The following PON2 variants were observed in gnomAD, a reference collection of about 807,000 sequenced individuals.
The protein encoded by PON2 is serum paraoxonase/arylesterase 2.
In PON2, 27 loss-of-function variants were observed where a neutral mutation model predicts 36.6. The ratio of observed to expected loss-of-function variants is 0.74; its 90% CI spans 0.54 to 1.02. The LOEUF (loss-of-function observed/expected upper bound fraction) is 1.02, where lower values mean the gene tolerates loss of function less well. Among genes scored for constraint, PON2 ranks in the 50% least tolerant of loss-of-function variants. The pLI is 0.00. For missense variants in PON2, 363 were observed against 421.1 expected (o/e 0.86, Z 1.21); for synonymous variants, 149 against 156.3 (o/e 0.95, Z 0.35).
At position 95,405,250 on chromosome 7, in the gene PON2, G is replaced by C; in HGVS notation, c.*80C>G. On this transcript the variant is annotated 3_prime_UTR_variant, in exon 9 of 9. Coordinates refer to ENST00000222572, the MANE Select transcript of PON2 (RefSeq NM_000305.3). ...TGCCATACATTTCTGGGTCAATGTT[G>C]CTGGTTAAATTCCCTCAGAATTAGC... 6.9e-7 allele frequency: 1 copy of C among 1,453,224 alleles called. No homozygotes were observed. Among genetic ancestry groups the C allele is most frequent in the South Asian group, 1.2e-5 (1 of 85,210 alleles). The allele number at this position is 1,453,224 out of a possible 1,614,324, so 90.0% of individuals were successfully genotyped here.
At chr7:95,416,115 T>C (rs1789056521) in intron 3 of PON2, 127 bp downstream of exon 3, 1 of 1,497,170 alleles carries the variant, frequency 6.7e-7, no homozygotes, top group African/African-American at 1.4e-5. Flanking sequence ...AAGATCTTGT[T>C]TGACCTCTCT....
At chr7:95,407,138 A>AT (rs1809721054) in intron 6 of PON2, 70 bp from the exon 7 acceptor site, 1 of 971,896 alleles carries the variant, frequency 1.0e-6, no homozygotes, top group Admixed American at 1.9e-5. Context: ...GTGTGAAAGA[A>AT]TAAGTCTTAA....
At chr7:95,411,086 C>CA (rs1193749723) in intron 5 of PON2, among the ~76,000 whole-genome samples, 1 of 152,074 alleles carries the variant, frequency 6.6e-6, no homozygotes, top group Non-Finnish European at 1.5e-5. Flanking sequence ...GGTGGGGGTA[C>CA]ACATGATTCT....
rs540118358 is a variant in PON2, at chr7:95,415,596, A to G, written c.201+646T>C. On this transcript the variant is annotated intron_variant, in intron 3 of 8. Coordinates refer to ENST00000222572, the MANE Select transcript of PON2 (RefSeq NM_000305.3). ...GAGTAGATGCTGTATTTAAAATAGT[A>G]TAATGTTAGTATTGAGTATCCACAG... Among the ~76,000 whole-genome samples the G allele has an allele frequency of 8.5e-5, 13 of 152,334 alleles. No individual in the cohort carries two copies. The South Asian group carries it at 2.7e-3, about 32-fold the overall frequency.
rs548181267 is a variant in PON2, at chr7:95,405,320, A to G, written c.*10T>C. The G allele has an allele frequency of 6.2e-7, 1 of 1,612,426 alleles. No homozygotes were observed. Among genetic ancestry groups the G allele is most frequent in the African/African-American group, 1.3e-5 (1 of 75,018 alleles). ...GTTAAGTTATCGCACTTTCATGCCA[A>G]AAGTACAATTTAGAGTTCACAATAC... On this transcript the variant is annotated 3_prime_UTR_variant, in exon 9 of 9. Coordinates refer to ENST00000222572, the MANE Select transcript of PON2 (RefSeq NM_000305.3).
chr7:95,405,403 G>A lies in PON2; in HGVS notation c.992C>T (p.Ser331Phe), dbSNP rs372180123. The A allele has an allele frequency of 2.5e-5, 40 of 1,613,734 alleles. No individual in the cohort carries two copies. The highest frequency in any genetic ancestry group is 3.2e-5 in the Non-Finnish European group (38 of 1,179,792). Residue 331 changes from serine (S) to phenylalanine (F), a missense_variant, in exon 9 of 9, where the codon TCT (serine) becomes TTT (phenylalanine). By Grantham distance (155) the Ser-to-Phe change is radical. Coordinates refer to ENST00000222572, the MANE Select transcript of PON2 (RefSeq NM_000305.3). ...ANNGSVLQGS[S>F]VASVYDGKLL... The stretch of plus-strand genomic sequence containing the variant: ...CTTCCCATCATACACTGAGGCTACA[G>A]AACTTCCTTGGAGAACAGACCCATT...
intron 1 of PON2, among the ~76,000 whole-genome samples, chr7:95,433,946 C>G (rs982585839): frequency 1.3e-5 from 2 of 152,242 alleles, no homozygotes; most frequent in African/African-American, 2.4e-5. Context: ...TTTTAATTCT[C>G]TCTTCCCCTG....
At chr7:95,418,491 A>C (rs148692137) in intron 2 of PON2, 39 of 152,290 alleles carry the variant, frequency 2.6e-4, no homozygotes, top group African/African-American at 9.4e-4. Flanking sequence ...AAGCCACTTC[A>C]CTTGTAAATT....
intron 6 of PON2, among the ~76,000 whole-genome samples, chr7:95,408,138 G>A (rs1468253969): frequency 2.0e-5 from 3 of 152,182 alleles, no homozygotes; most frequent in African/African-American, 7.2e-5. Context: ...GGTCAGTTCT[G>A]TTCCACAATT....
At chr7:95,433,248 T>A (rs544132715) in intron 1 of PON2, among the ~76,000 whole-genome samples, 32 of 152,110 alleles carry the variant, frequency 2.1e-4, no homozygotes, top group East Asian at 9.7e-4. Context: ...AAATTTTGTT[T>A]TTTATTTATT....
At chr7:95,430,274 G>A (rs1240151016) in intron 1 of PON2, among the ~76,000 whole-genome samples, 1 of 151,656 alleles carries the variant, frequency 6.6e-6, no homozygotes, top group Non-Finnish European at 1.5e-5. Flanking sequence ...AGATCAGCCT[G>A]GGCAACACAG....
At chr7:95,424,314 G>A in intron 2 of PON2, 1 of 588,074 alleles carries the variant, frequency 1.7e-6, no homozygotes, top group Non-Finnish European at 3.0e-6. Context: ...ACACAAAAAA[G>A]AATAATTTAC....
At chr7:95,422,338 G>C (rs17876193) in intron 2 of PON2, among the ~76,000 whole-genome samples, 10,661 of 152,248 alleles carry the variant, frequency 0.07, 505 homozygotes, top group East Asian at 0.2. Flanking sequence ...AGATAAAAAA[G>C]GGAGCTTTAT....
intron 7 of PON2, among the ~76,000 whole-genome samples, chr7:95,406,482 A>C (rs1346278871): frequency 2.0e-5 from 3 of 152,188 alleles, no homozygotes; most frequent in African/African-American, 7.2e-5. Flanking sequence ...AATCTATCTT[A>C]AAAACTGAAC....
intron 1 of PON2, among the ~76,000 whole-genome samples, chr7:95,427,953 G>T (rs950825557): frequency 3.3e-4 from 50 of 152,148 alleles, no homozygotes; most frequent in African/African-American, 1.2e-3. Flanking sequence ...TATGAGAGGA[G>T]GAACACTCTT....
chr7:95,405,159 T>A lies in PON2; in HGVS notation c.*171A>T. 1.5e-6 allele frequency: 1 copy of A among 666,182 alleles called. No homozygotes were observed. The highest frequency in any genetic ancestry group is 2.5e-6 in the Non-Finnish European group (1 of 403,928). The allele number at this position is 666,182 out of a possible 1,614,324, so 41.3% of individuals were successfully genotyped here. On this transcript the variant is annotated 3_prime_UTR_variant, in exon 9 of 9. Coordinates refer to ENST00000222572, the MANE Select transcript of PON2 (RefSeq NM_000305.3). ...ATTTTAAAGAACCTGTTCATTTTCC[T>A]TTTTTGTTAAAAGTGCTCTAAGAAC...
intron 4 of PON2, 41 bp from the exon 5 acceptor site, chr7:95,411,820 C>T (rs778588572): frequency 4.4e-6 from 7 of 1,607,310 alleles, no homozygotes; most frequent in Non-Finnish European, 6.0e-6. Flanking sequence ...CAAGACATAA[C>T]TACGGGACCT....
chr7:95,427,652 A>T (rs1266132767), intron 1 of PON2, among the ~76,000 whole-genome samples: 2 of 152,190 alleles, frequency 1.3e-5, no homozygotes, highest in East Asian at 3.9e-4. Context: ...TCCTTGATAT[A>T]ATCACTGGCT....
chr7:95,412,731 G>A, intron 3 of PON2: 1 of 494,614 alleles, frequency 2.0e-6, no homozygotes, highest in Non-Finnish European at 3.6e-6. Flanking sequence ...TGGTGGACTA[G>A]GTGATTCCAG....
Sources: gnomAD v4.1 joint callset for allele counts (sites outside exome capture counted in the v4.1 genomes callset) on GRCh38, gnomAD v4.1.1 for gene constraint, MANE v1.5 for transcripts, NCBI Gene and HGNC (gene_info 2026-07-23, HGNC 2026-07-21) for gene names.